Variants in SETD2 observed in about 807,000 individuals in gnomAD.
SETD2 encodes SET domain containing 2, histone lysine methyltransferase, also known as histone-lysine N-methyltransferase SETD2.
Under a neutral mutation model 242.1 loss-of-function variants are expected in SETD2, and 31 were observed. That is an observed-to-expected ratio of 0.13 (90% CI 0.10 to 0.17). SETD2 has a LOEUF of 0.17. Among genes scored for constraint, SETD2 ranks in the 10% least tolerant of loss-of-function variants. The pLI, the probability that SETD2 is intolerant of heterozygous loss-of-function variation, is 1.00. For synonymous variants in SETD2, 1,006 were observed against 1,066.5 expected, an observed-to-expected ratio of 0.94 and a Z score of 1.11; for missense variants, 2,481 against 3,046.3, an observed-to-expected ratio of 0.81 and a Z score of 4.37.
chr3:47,044,344 C>CAAAAAAAAAAAAAAAAAAAAAAAAAA lies in SETD2; in HGVS notation c.7099-1670_7099-1645dup, dbSNP rs59408277. On this transcript the variant is annotated intron_variant, in intron 16 of 20. Coordinates refer to ENST00000409792, the MANE Select transcript of SETD2 (RefSeq NM_014159.7). ...TGGGCAACAAAGCAAGACTTCATCT[C>CAAAAAAAAAAAAAAAAAAAAAAAAAA]AAAAAAAAAAAAAAAAAAAAAAAAA... 3.2e-4 allele frequency among the ~76,000 whole-genome samples: 11 copies of CAAAAAAAAAAAAAAAAAAAAAAAAAA among 33,948 alleles called. 1 individual carries two copies. Among genetic ancestry groups the CAAAAAAAAAAAAAAAAAAAAAAAAAA allele is most frequent in the South Asian group, 1.6e-3 (1 of 632 alleles). The allele number at this position is 33,948 out of a possible 152,430, so 22.3% of individuals were successfully genotyped here.
At position 47,017,358 on chromosome 3, in the gene SETD2, C is replaced by G; in HGVS notation, c.7534-104G>C. 2.4e-6 allele frequency: 3 copies of G among 1,227,646 alleles called. No homozygotes were observed. The highest frequency in any genetic ancestry group is 3.4e-6 in the Non-Finnish European group (3 of 873,302). The allele number at this position is 1,227,646 out of a possible 1,614,324, so 76.0% of individuals were successfully genotyped here. On this transcript the variant is annotated intron_variant, in intron 20 of 20. Transcript: ENST00000409792. This position sits in a 1 kb window ranked among gnomAD's most constrained non-coding sequence, Gnocchi z 4.8. ...TCCAGCCTGCTGCTTCAGGGCCCTTCTCACCAAGACAGGAAGTTAATAAGG... is the reference window on the plus strand; with the variant it reads ...TCCAGCCTGCTGCTTCAGGGCCCTTGTCACCAAGACAGGAAGTTAATAAGG...
chr3:47,020,004 T>C (rs2038148442), intron 18 of SETD2, among the ~76,000 whole-genome samples, 164 bp from the exon 19 acceptor site: 1 of 152,176 alleles, frequency 6.6e-6, no homozygotes, highest in South Asian at 2.1e-4. Context: ...TGGAGTCAAC[T>C]TGGCTATTAT....
At chr3:47,127,553 C>T (rs1559754103) in intron 1 of SETD2, 1 of 452,744 alleles carries the variant, frequency 2.2e-6, no homozygotes, top group South Asian at 1.6e-5. Flanking sequence ...CATAGCAAAA[C>T]CTCATCTCTC....
At chr3:47,129,811 G>C (rs1033616695) in intron 1 of SETD2, among the ~76,000 whole-genome samples, 4 of 151,842 alleles carry the variant, frequency 2.6e-5, no homozygotes, top group Admixed American at 2.0e-4. Flanking sequence ...CTTGAACCGG[G>C]AAGCGGAGGT....
intron 15 of SETD2, among the ~76,000 whole-genome samples, chr3:47,047,414 A>G (rs1244888490): frequency 6.6e-6 from 1 of 152,238 alleles, no homozygotes; most frequent in Non-Finnish European, 1.5e-5. Flanking sequence ...ACTGAAAAAT[A>G]GCCTTGCTGT....
At chr3:47,050,981 C>T (rs1449159028) in intron 15 of SETD2, among the ~76,000 whole-genome samples, 2 of 152,018 alleles carry the variant, frequency 1.3e-5, no homozygotes, top group South Asian at 2.1e-4. Flanking sequence ...GATCCCCACA[C>T]CTCGGCTTCC....
chr3:47,100,753 G>C (rs2042178232), intron 8 of SETD2, among the ~76,000 whole-genome samples: 1 of 151,828 alleles, frequency 6.6e-6, no homozygotes, highest in South Asian at 2.1e-4. Context: ...GCTCAAGCCT[G>C]TAATCCCAGC....
At chr3:47,130,404 C>T (rs1240325591) in intron 1 of SETD2, among the ~76,000 whole-genome samples, 2 of 152,146 alleles carry the variant, frequency 1.3e-5, no homozygotes, top group Non-Finnish European at 2.9e-5. Flanking sequence ...AGTTGAAGTA[C>T]ATTTCCAGGA....
At chr3:47,104,832 G>A (rs2042347308) in intron 6 of SETD2, among the ~76,000 whole-genome samples, 1 of 152,164 alleles carries the variant, frequency 6.6e-6, no homozygotes, top group African/African-American at 2.4e-5. Context: ...AACGCTCTGG[G>A]AGGCCAATCT....
chr3:47,036,104 T>C (rs1258182272), intron 18 of SETD2, among the ~76,000 whole-genome samples: 1 of 152,250 alleles, frequency 6.6e-6, no homozygotes, highest in Non-Finnish European at 1.5e-5. Flanking sequence ...AATTCATTTC[T>C]ACTTTAATCC....
chr3:47,120,085 C>CAGA, intron 3 of SETD2, 97 bp downstream of exon 3: 1 of 978,492 alleles, frequency 1.0e-6, no homozygotes, highest in South Asian at 1.9e-5. Context: ...ACAACTCTTT[C>CAGA]ATGTGTTTAA....
intron 8 of SETD2, chr3:47,098,329 C>T (rs146428045): frequency 1.7e-5 from 5 of 298,876 alleles, no homozygotes; most frequent in East Asian, 6.2e-5. Flanking sequence ...ACAATTCTTC[C>T]ATTTTATGAG....
At chr3:47,150,331 C>T (rs1053381520) in intron 1 of SETD2, among the ~76,000 whole-genome samples, 4 of 152,056 alleles carry the variant, frequency 2.6e-5, no homozygotes, top group African/African-American at 7.2e-5. Context: ...AGCCACCGTG[C>T]GCGGCCTCAA....
At chr3:47,068,799 T>TTTTTG (rs970654603) in intron 12 of SETD2, among the ~76,000 whole-genome samples, 3 of 145,624 alleles carry the variant, frequency 2.1e-5, no homozygotes, top group Admixed American at 1.4e-4. Flanking sequence ...CCGGCCTATC[T>TTTTTG]TTTTGTTTTG....
chr3:47,057,086 A>G lies in SETD2; in HGVS notation c.6698T>C (p.Val2233Ala), dbSNP rs767329614. Residue 2233 changes from valine to alanine, a missense_variant, in exon 15 of 21, where the codon GTG becomes GCG. Val to Ala is a moderately conservative substitution (Grantham distance 64). This residue lies in a region of SETD2 where 235 missense variants were observed against 293.9 expected (regional missense o/e 0.80). Transcript: ENST00000409792. ...VPVVPHVAAP[V>A]EVSSSQYVAQ... ...CACATACTGGGAACTGGAAACTTCC[A>G]CAGGAGCTGCCACATGTGGCACCAC... The G allele has an allele frequency of 3.4e-5, 55 of 1,614,082 alleles. No homozygotes were observed. Among genetic ancestry groups the G allele is most frequent in the Non-Finnish European group, 4.6e-5 (54 of 1,180,012 alleles).
chr3:47,111,222 A>T (rs1205925115), intron 5 of SETD2, among the ~76,000 whole-genome samples: 2 of 151,752 alleles, frequency 1.3e-5, no homozygotes, highest in East Asian at 3.9e-4. Context: ...TTTGAGAGGT[A>T]TTGAGTTCTG....
chr3:47,020,671 C>A (rs185063910), intron 18 of SETD2, among the ~76,000 whole-genome samples: 1 of 152,160 alleles, frequency 6.6e-6, no homozygotes, highest in Non-Finnish European at 1.5e-5. Context: ...TGCTTTTCCA[C>A]GGAAAATAAT....
At chr3:47,086,553 C>T (rs949349114) in intron 10 of SETD2, among the ~76,000 whole-genome samples, 4 of 151,936 alleles carry the variant, frequency 2.6e-5, no homozygotes, top group Admixed American at 1.3e-4. Flanking sequence ...ATTTTACTAA[C>T]GTAGAAAATT....
At chr3:47,087,652 C>A (rs2107649390) in intron 10 of SETD2, among the ~76,000 whole-genome samples, 1 of 152,240 alleles carries the variant, frequency 6.6e-6, no homozygotes, top group Middle Eastern at 3.4e-3. Flanking sequence ...GAAAGTCATA[C>A]ACAACTCACA....
Sources: allele counts gnomAD v4.1 joint callset (sites outside exome capture counted in the v4.1 genomes callset), GRCh38; gene constraint gnomAD v4.1.1; regional missense constraint gnomAD v4.1.1; non-coding constraint Gnocchi (gnomAD v3.1); transcripts MANE v1.5; gene names NCBI Gene and HGNC (gene_info 2026-07-23, HGNC 2026-07-21).